The following ULK4 variants were observed in gnomAD, a reference collection of about 807,000 sequenced individuals.
ULK4 encodes the protein inactive serine/threonine-protein kinase ULK4.
ULK4 carries 133 observed loss-of-function variants against 160.6 expected under a neutral mutation model. The observed-to-expected ratio is 0.83, with a 90% CI of 0.72 to 0.96. The LOEUF is 0.96. Among genes scored for constraint, ULK4 ranks in the 40% least tolerant of loss-of-function variants. ULK4 has a pLI of 0.00. For missense variants in ULK4, 1,580 were observed against 1,499.5 expected, an observed-to-expected ratio of 1.05 and a Z score of -0.89; for synonymous variants, 534 against 539.8, an observed-to-expected ratio of 0.99 and a Z score of 0.15.
At chr3:41,751,625 G>A (rs1260237738) in intron 22 of ULK4, among the ~76,000 whole-genome samples, 3 of 152,180 alleles carry the variant, frequency 2.0e-5, no homozygotes, top group African/African-American at 4.8e-5. Context: ...ATAAGTCACA[G>A]CAATTCCCAG....
chr3:41,929,858 A>G (rs947584972), intron 5 of ULK4, among the ~76,000 whole-genome samples: 3 of 152,282 alleles, frequency 2.0e-5, no homozygotes, highest in Admixed American at 6.5e-5. Context: ...AAATGGAAAA[A>G]AATTCTATCC....
At chr3:41,359,262 G>C (rs907577687) in intron 35 of ULK4, among the ~76,000 whole-genome samples, 4 of 152,246 alleles carry the variant, frequency 2.6e-5, no homozygotes, top group Admixed American at 2.0e-4. Flanking sequence ...GACTCCGTCA[G>C]ACTCGAGTTC....
chr3:41,629,968 T>C (rs2033680408), intron 30 of ULK4, among the ~76,000 whole-genome samples: 1 of 152,148 alleles, frequency 6.6e-6, no homozygotes. Context: ...ATAATGCCAC[T>C]GCTCAATGTC....
intron 17 of ULK4, among the ~76,000 whole-genome samples, chr3:41,882,474 G>C (rs1327393750): frequency 6.6e-6 from 1 of 152,112 alleles, no homozygotes; most frequent in Admixed American, 6.5e-5. Context: ...TACTATACTG[G>C]ATAGTTCAAC....
chr3:41,522,831 G>A (rs1376695903), intron 32 of ULK4, among the ~76,000 whole-genome samples: 1 of 152,202 alleles, frequency 6.6e-6, no homozygotes, highest in African/African-American at 2.4e-5. Flanking sequence ...GGCCAGCTGT[G>A]TGCCAGCTGT....
chr3:41,801,430 A>T (rs2040457139), intron 19 of ULK4, among the ~76,000 whole-genome samples: 1 of 152,132 alleles, frequency 6.6e-6, no homozygotes. Context: ...GAAGTTTTCA[A>T]ATTCATGAAA....
chr3:41,764,950 C>G (rs1047922644), intron 21 of ULK4, among the ~76,000 whole-genome samples: 7 of 152,212 alleles, frequency 4.6e-5, no homozygotes, highest in African/African-American at 1.7e-4. Context: ...CACTTTTACA[C>G]TGTTGGTGGG....
intron 32 of ULK4, among the ~76,000 whole-genome samples, chr3:41,539,290 G>A (rs1409349449): frequency 6.6e-6 from 1 of 152,066 alleles, no homozygotes; most frequent in Non-Finnish European, 1.5e-5. Context: ...CAAATGAATG[G>A]ACATGTCTAT....
intron 35 of ULK4, among the ~76,000 whole-genome samples, chr3:41,364,201 G>T (rs1214638450): frequency 6.6e-6 from 1 of 152,188 alleles, no homozygotes; most frequent in Non-Finnish European, 1.5e-5. Flanking sequence ...GCCTCCCAAA[G>T]TGCTGGGATT....
At chr3:41,944,054 T>C (rs573323577) in intron 2 of ULK4, among the ~76,000 whole-genome samples, 1 of 152,256 alleles carries the variant, frequency 6.6e-6, no homozygotes, top group Admixed American at 6.5e-5. Flanking sequence ...GTTAACAGGG[T>C]CAGTAGCTCA....
chr3:41,551,904 G>C (rs987242634), intron 32 of ULK4, among the ~76,000 whole-genome samples: 51 of 151,970 alleles, frequency 3.4e-4, no homozygotes, highest in Non-Finnish European at 1.5e-4. Context: ...ACATCAAAAA[G>C]ATAATGCACT....
intron 34 of ULK4, among the ~76,000 whole-genome samples, chr3:41,450,930 A>G (rs2125866846): frequency 6.6e-6 from 1 of 152,340 alleles, no homozygotes; most frequent in Non-Finnish European, 1.5e-5. Flanking sequence ...ACATCTAGCC[A>G]ATATACTAGA....
At chr3:41,317,390 T>C (rs1436514117) in intron 35 of ULK4, among the ~76,000 whole-genome samples, 1 of 152,216 alleles carries the variant, frequency 6.6e-6, no homozygotes, top group African/African-American at 2.4e-5. Flanking sequence ...CATCTATTTT[T>C]TCAGCAATTC....
intron 2 of ULK4, 57 bp downstream of exon 2, chr3:41,954,565 C>G (rs1700420623): frequency 2.6e-6 from 4 of 1,556,212 alleles, no homozygotes; most frequent in African/African-American, 1.4e-5. Flanking sequence ...AATGCTACCC[C>G]CTTCTACCTA....
At chr3:41,262,786 A>G (rs779114215) in intron 35 of ULK4, among the ~76,000 whole-genome samples, 4 of 152,224 alleles carry the variant, frequency 2.6e-5, no homozygotes, top group Non-Finnish European at 4.4e-5. Context: ...GAAACTGTTC[A>G]TAATTACATC....
intron 35 of ULK4, chr3:41,251,195 C>T (rs935780459): frequency 6.6e-6 from 1 of 152,208 alleles, no homozygotes; most frequent in African/African-American, 2.4e-5. Context: ...AAAATGGTAT[C>T]ATGTGTAGCT....
Position 41,390,482 on chromosome 3 carries a change from C to T in ULK4, c.3678+7597G>A, listed in dbSNP as rs1354131346. ...TTAGGGTGTCAATTTTGGATCTTTC[C>T]TGCTTTCTCTTACGGGCATTTAGTG... On this transcript the variant is annotated intron_variant, in intron 35 of 36. Transcript: ENST00000301831. Among the ~76,000 whole-genome samples, 5 of 152,028 alleles carry T rather than the reference C, an allele frequency of 3.3e-5. No individual in the cohort carries two copies. The East Asian group carries it at 7.7e-4, about 23-fold the overall frequency.
At chr3:41,550,181 C>T (rs2125964122) in intron 32 of ULK4, among the ~76,000 whole-genome samples, 1 of 151,924 alleles carries the variant, frequency 6.6e-6, no homozygotes, top group South Asian at 2.1e-4. Flanking sequence ...AACATAAAGC[C>T]TAAGTAGTTA....
intron 19 of ULK4, among the ~76,000 whole-genome samples, chr3:41,801,566 T>C (rs73073364): frequency 0.12 from 18,725 of 151,106 alleles, 1,333 homozygotes; most frequent in Middle Eastern, 0.26. Context: ...GAAAACCTTA[T>C]GGACAAGGAG....
Sources: gnomAD v4.1 joint callset for allele counts (sites outside exome capture counted in the v4.1 genomes callset) on GRCh38, gnomAD v4.1.1 for gene constraint, MANE v1.5 for transcripts, NCBI Gene and HGNC (gene_info 2026-07-23, HGNC 2026-07-21) for gene names.